The following PHF20 variants were observed in gnomAD, a reference collection of about 807,000 sequenced individuals.
PHF20 encodes the protein glioma-expressed antigen 2.
Under a neutral mutation model 113.5 loss-of-function variants are expected in PHF20, and 23 were observed. The ratio of observed to expected loss-of-function variants is 0.20; its 90% CI spans 0.15 to 0.29. The LOEUF (loss-of-function observed/expected upper bound fraction) is 0.29, where lower values mean the gene tolerates loss of function less well. Ranked by LOEUF, PHF20 falls within the 10% of genes least tolerant of loss-of-function variation. The pLI is 1.00. For missense variants in PHF20, 943 were observed against 1,219.6 expected (o/e 0.77, Z 3.38); for synonymous variants, 434 against 457.3 (o/e 0.95, Z 0.65).
At chr20:35,921,119 G>T (rs978888375) in intron 13 of PHF20, among the ~76,000 whole-genome samples, 1 of 152,156 alleles carries the variant, frequency 6.6e-6, no homozygotes, top group African/African-American at 2.4e-5. Flanking sequence ...TTATACAACA[G>T]TGAGACAAGC....
At chr20:35,798,029 A>G (rs1045807588) in intron 1 of PHF20, among the ~76,000 whole-genome samples, 2 of 152,270 alleles carry the variant, frequency 1.3e-5, no homozygotes, top group African/African-American at 2.4e-5. Context: ...AAAAATTTTC[A>G]TTGTGAAAAA....
intron 9 of PHF20, among the ~76,000 whole-genome samples, chr20:35,893,915 C>A (rs2054927479): frequency 6.6e-6 from 1 of 152,212 alleles, no homozygotes; most frequent in African/African-American, 2.4e-5. Flanking sequence ...TGTGCCCCGC[C>A]AACATGTACT....
At chr20:35,858,065 C>T (rs780956109) in intron 4 of PHF20, among the ~76,000 whole-genome samples, 1 of 152,072 alleles carries the variant, frequency 6.6e-6, no homozygotes, top group Non-Finnish European at 1.5e-5. Flanking sequence ...CATCTAAAAA[C>T]AAGTTTATTT....
intron 1 of PHF20, among the ~76,000 whole-genome samples, chr20:35,791,002 G>T (rs2041533709): frequency 6.6e-6 from 1 of 152,088 alleles, no homozygotes; most frequent in Non-Finnish European, 1.5e-5. Flanking sequence ...GGAATTACAG[G>T]CGTGTGCCAC....
intron 17 of PHF20, among the ~76,000 whole-genome samples, chr20:35,945,980 G>A (rs2056076976): frequency 6.6e-6 from 1 of 150,518 alleles, no homozygotes; most frequent in African/African-American, 2.5e-5. Flanking sequence ...GGCCAGCCTG[G>A]CCAACATGAT....
chr20:35,822,281 G>T (rs917397238), intron 2 of PHF20, among the ~76,000 whole-genome samples: 7 of 152,060 alleles, frequency 4.6e-5, no homozygotes, highest in Non-Finnish European at 7.4e-5. Context: ...AGCTGGGCAT[G>T]GTGGTGTGAG....
In PHF20 at chr20:35,801,526, A is replaced by G; in HGVS notation, c.4A>G (p.Thr2Ala). The G allele has an allele frequency of 6.2e-7, 1 of 1,612,672 alleles. No individual in the cohort carries two copies. The highest frequency in any genetic ancestry group is 8.5e-7 in the Non-Finnish European group (1 of 1,178,856). ...GCAGCCCCGTTGATGACTGAAAATG[A>G]CAAAGCATCCACCTAACAGACGAGG... Reference protein sequence around the residue: MTKHPPNRRGIS... With the variant: MAKHPPNRRGIS... The change falls in exon 2 of 18, where the codon ACA (threonine) becomes GCA (alanine). Residue 2 changes from threonine (T) to alanine (A), a missense_variant. Thr to Ala is a moderately conservative substitution (Grantham distance 58, BLOSUM62 0). Around this residue, in one of 3 missense-constraint regions of PHF20, gnomAD observed 592 missense variants for 787.2 expected, o/e 0.75. Transcript: ENST00000374012.
At chr20:35,777,712 T>A (rs527719644) in intron 1 of PHF20, among the ~76,000 whole-genome samples, 23 of 152,234 alleles carry the variant, frequency 1.5e-4, no homozygotes, top group Admixed American at 6.5e-4. Context: ...TAGTCCCAGC[T>A]CCTTGGGAGG....
intron 2 of PHF20, among the ~76,000 whole-genome samples, chr20:35,827,537 C>A (rs2042281929): frequency 6.6e-6 from 1 of 151,984 alleles, no homozygotes; most frequent in Non-Finnish European, 1.5e-5. Context: ...GTAATCCCAG[C>A]ACTTTGGGAG....
chr20:35,836,817 A>C, intron 2 of PHF20, among the ~76,000 whole-genome samples: 1 of 150,582 alleles, frequency 6.6e-6, no homozygotes, highest in East Asian at 2.0e-4. Flanking sequence ...ACTGCACTCC[A>C]GCCTGGGTGA....
At chr20:35,941,142 ACCG>A in intron 17 of PHF20, 95 bp downstream of exon 17, 2 of 920,536 alleles carry the variant, frequency 2.2e-6, no homozygotes, top group Non-Finnish European at 3.3e-6. Flanking sequence ...GTTTACAGGG[ACCG>A]CTGTACTCTT....
At chr20:35,843,766 A>G (rs756456173) in intron 3 of PHF20, among the ~76,000 whole-genome samples, 6 of 151,960 alleles carry the variant, frequency 3.9e-5, no homozygotes, top group Non-Finnish European at 8.8e-5. Context: ...TTTTATAGAG[A>G]CAGTGTCTCG....
At chr20:35,849,134 G>T (rs2042673862) in intron 4 of PHF20, among the ~76,000 whole-genome samples, 1 of 152,196 alleles carries the variant, frequency 6.6e-6, no homozygotes, top group Non-Finnish European at 1.5e-5. Context: ...AACTGGAAGA[G>T]GGAGGAGAGG....
chr20:35,894,490 C>A (rs948144814), intron 9 of PHF20, among the ~76,000 whole-genome samples: 5 of 152,194 alleles, frequency 3.3e-5, no homozygotes, highest in African/African-American at 1.2e-4. Flanking sequence ...GCTTTTTGTA[C>A]TATACCATAC....
At chr20:35,864,152 A>C (rs1219947248) in intron 6 of PHF20, among the ~76,000 whole-genome samples, 10 of 152,176 alleles carry the variant, frequency 6.6e-5, no homozygotes, top group Non-Finnish European at 8.8e-5. Flanking sequence ...AGTGACCTTC[A>C]GACATTCTTG....
At chr20:35,816,903 T>G (rs1317001957) in intron 2 of PHF20, among the ~76,000 whole-genome samples, 2 of 151,898 alleles carry the variant, frequency 1.3e-5, no homozygotes, top group Non-Finnish European at 2.9e-5. Context: ...GCGATTCTCT[T>G]GCCTCAGCCT....
intron 4 of PHF20, among the ~76,000 whole-genome samples, chr20:35,857,898 T>G (rs1279248579): frequency 6.6e-6 from 1 of 152,194 alleles, no homozygotes; most frequent in Non-Finnish European, 1.5e-5. Flanking sequence ...ACTTGAGAGC[T>G]ATTACTGCCC....
At chr20:35,899,784 A>T in intron 10 of PHF20, 136 bp downstream of exon 10, 1 of 918,696 alleles carries the variant, frequency 1.1e-6, no homozygotes, top group South Asian at 1.7e-5. Context: ...ATATTAAGTG[A>T]TCCTCTGGGC....
chr20:35,853,239 AAG>A (rs896303763), intron 4 of PHF20: 10 of 151,650 alleles, frequency 6.6e-5, no homozygotes, highest in African/African-American at 2.4e-4. Context: ...AAAAAAAAGA[AAG>A]AAAAAAAAAG....
Sources: allele counts gnomAD v4.1 joint callset (sites outside exome capture counted in the v4.1 genomes callset), GRCh38; gene constraint gnomAD v4.1.1; regional missense constraint gnomAD v4.1.1; transcripts MANE v1.5; gene names NCBI Gene and HGNC (gene_info 2026-07-23, HGNC 2026-07-21).